SLC14A2: variants seen among roughly 807,000 people sequenced by gnomAD.
The protein encoded by SLC14A2 is urea transporter 2.
A neutral mutation model predicts 104.6 loss-of-function variants in SLC14A2; 91 were observed. The observed-to-expected ratio is 0.87, with a 90% CI of 0.73 to 1.04. The LOEUF (loss-of-function observed/expected upper bound fraction) is 1.04, where lower values mean the gene tolerates loss of function less well. Ranked by LOEUF, SLC14A2 falls within the 50% of genes least tolerant of loss-of-function variation. SLC14A2 has a pLI of 0.00. For synonymous variants in SLC14A2, 476 were observed against 466.4 expected (o/e 1.02, Z -0.27); for missense variants, 1,189 against 1,156.0 (o/e 1.03, Z -0.41).
At chr18:45,377,081 C>T (rs1027872462) in intron 1 of SLC14A2, among the ~76,000 whole-genome samples, 5 of 152,180 alleles carry the variant, frequency 3.3e-5, no homozygotes, top group South Asian at 2.1e-4. Context: ...TTCCACTATG[C>T]CCTGATGCTA....
chr18:45,588,656 C>T (rs1466581453), intron 2 of SLC14A2, among the ~76,000 whole-genome samples: 4 of 152,196 alleles, frequency 2.6e-5, no homozygotes, highest in East Asian at 1.9e-4. Flanking sequence ...ACGGTCCTCA[C>T]GGCTTTGGAT....
At chr18:45,643,242 T>A in intron 9 of SLC14A2, 61 bp downstream of exon 9, 1 of 1,423,984 alleles carries the variant, frequency 7.0e-7, no homozygotes, top group Non-Finnish European at 9.9e-7. Flanking sequence ...TCTGGACATA[T>A]GGGGTTGTGG....
intron 1 of SLC14A2, among the ~76,000 whole-genome samples, chr18:45,236,043 ATATGTGTATATATACATATATG>A: frequency 2.1e-5 from 1 of 46,612 alleles, no homozygotes; most frequent in Non-Finnish European, 3.5e-5. Flanking sequence ...ATGTGTGTAT[ATATGTGTATATATACATATATG>A]TGTGTATATA....
At chr18:45,660,360 A>G (rs747503786) in intron 10 of SLC14A2, among the ~76,000 whole-genome samples, 1 of 152,188 alleles carries the variant, frequency 6.6e-6, no homozygotes, top group Non-Finnish European at 1.5e-5. Flanking sequence ...GGTGTGCCCT[A>G]ACGATAAGGA....
intron 2 of SLC14A2, among the ~76,000 whole-genome samples, chr18:45,585,068 C>T (rs1364538246): frequency 6.6e-6 from 1 of 152,152 alleles, no homozygotes; most frequent in Non-Finnish European, 1.5e-5. Flanking sequence ...GACACCCTCT[C>T]CTAACACCTT....
intron 2 of SLC14A2, among the ~76,000 whole-genome samples, chr18:45,552,409 C>G (rs560039726): frequency 6.3e-4 from 95 of 150,212 alleles, no homozygotes; most frequent in Non-Finnish European, 1.2e-4. Context: ...GTGTGAGTTT[C>G]CCTTCTCCTT....
chr18:45,346,021 C>G (rs2085444268), intron 1 of SLC14A2, among the ~76,000 whole-genome samples: 1 of 152,212 alleles, frequency 6.6e-6, no homozygotes, highest in South Asian at 2.1e-4. Flanking sequence ...GGATGAGAAA[C>G]TGTATCTCAC....
At chr18:45,478,065 C>T (rs965769324) in intron 1 of SLC14A2, among the ~76,000 whole-genome samples, 11 of 152,156 alleles carry the variant, frequency 7.2e-5, no homozygotes, top group Non-Finnish European at 1.0e-4. Flanking sequence ...TTGGTGTCTG[C>T]CCAAACAACC....
intron 2 of SLC14A2, among the ~76,000 whole-genome samples, chr18:45,527,269 T>G (rs1200432338): frequency 6.6e-6 from 1 of 152,184 alleles, no homozygotes; most frequent in Non-Finnish European, 1.5e-5. Flanking sequence ...AGCCCTTAGG[T>G]GGCACCTCTC....
At chr18:45,490,197 A>G (rs1390040021) in intron 2 of SLC14A2, among the ~76,000 whole-genome samples, 1 of 152,242 alleles carries the variant, frequency 6.6e-6, no homozygotes, top group African/African-American at 2.4e-5. Context: ...TATGAAGAAG[A>G]TGAATTTACA....
intron 1 of SLC14A2, among the ~76,000 whole-genome samples, chr18:45,403,676 GA>G (rs199968645): frequency 5.1e-4 from 75 of 148,010 alleles, no homozygotes; most frequent in Middle Eastern, 6.9e-3. Flanking sequence ...TAACTCTGGG[GA>G]AAAAAAAAAT....
At chr18:45,390,778 C>T (rs9961620) in intron 1 of SLC14A2, among the ~76,000 whole-genome samples, 15,547 of 152,146 alleles carry the variant, frequency 0.1, 1,515 homozygotes, top group African/African-American at 0.25. Context: ...GCACCTTTCA[C>T]CCAGATCGTA....
chr18:45,251,780 CT>C (rs1187780086), intron 1 of SLC14A2, among the ~76,000 whole-genome samples: 1 of 152,192 alleles, frequency 6.6e-6, no homozygotes, highest in East Asian at 1.9e-4. Flanking sequence ...TTTAAAGACT[CT>C]ATCTCCAAAT....
rs1482215917 is a variant in SLC14A2 at position 45,236,516 on chromosome 18, T to C, written c.-125+23325T>C. 2.0e-5 allele frequency among the ~76,000 whole-genome samples: 2 copies of C among 101,764 alleles called. 1 individual carries two copies. Among genetic ancestry groups the C allele is most frequent in the Non-Finnish European group, 4.1e-5 (2 of 48,588 alleles). The allele number at this position is 101,764 out of a possible 152,430, so 66.8% of individuals were successfully genotyped here. ...GTGTATATATACATGTATGTGTGTATATATGTGTATATATGTATATATACA... is the reference window on the plus strand; with the variant it reads ...GTGTATATATACATGTATGTGTGTACATATGTGTATATATGTATATATACA... On this transcript the variant is annotated intron_variant, in intron 1 of 20. Transcript: ENST00000586448.
intron 1 of SLC14A2, among the ~76,000 whole-genome samples, chr18:45,343,208 G>T (rs1213040411): frequency 2.1e-5 from 3 of 144,822 alleles, no homozygotes; most frequent in Non-Finnish European, 4.5e-5. Context: ...GCTCCTCAAA[G>T]TTACCTTCAT....
At chr18:45,224,800 G>A (rs1005680226) in intron 1 of SLC14A2, among the ~76,000 whole-genome samples, 11 of 152,282 alleles carry the variant, frequency 7.2e-5, no homozygotes, top group Non-Finnish European at 1.2e-4. Flanking sequence ...TGACTGGCTT[G>A]AAGAACTCAG....
At position 45,249,572 on chromosome 18, in the gene SLC14A2, TCTC is replaced by T. The variant is rs974192554; in HGVS notation, c.-125+36385_-125+36387del. ...GAAACATCTGGCCTCTCTGATTTTATCTCCTCTTCTGTCTGATGAATAGTCTCT... is the reference window on the plus strand; with the variant it reads ...GAAACATCTGGCCTCTCTGATTTTATCTCTTCTGTCTGATGAATAGTCTCT... On this transcript the variant is annotated intron_variant, in intron 1 of 20. Transcript: ENST00000586448. 4.3e-4 allele frequency among the ~76,000 whole-genome samples: 65 copies of T among 152,340 alleles called. 1 individual carries two copies. Among genetic ancestry groups the T allele is most frequent in the African/African-American group, 1.3e-3 (53 of 41,578 alleles).
At chr18:45,323,133 A>G (rs2085201293) in intron 1 of SLC14A2, among the ~76,000 whole-genome samples, 1 of 152,228 alleles carries the variant, frequency 6.6e-6, no homozygotes, top group Admixed American at 6.5e-5. Flanking sequence ...TAAACTAATT[A>G]TGATGGGAAC....
Position 45,682,701 on chromosome 18 carries a change from C to T in SLC14A2, c.*182C>T, listed in dbSNP as rs1306940161. 19 of 603,720 alleles carry T rather than the reference C, an allele frequency of 3.1e-5. No homozygotes were observed. The highest frequency in any genetic ancestry group is 3.9e-5 in the Non-Finnish European group (13 of 335,798). The allele number at this position is 603,720 out of a possible 1,614,324, so 37.4% of individuals were successfully genotyped here. On this transcript the variant is annotated 3_prime_UTR_variant, in exon 20 of 20. Transcript: ENST00000255226. ...CTTTTCTAAGATGCACAACACTTAT[C>T]AAAGATATGTTTAGTTTAGACTTTA... is the stretch of plus-strand genomic sequence containing the variant.
Sources: gnomAD v4.1 joint callset for allele counts (sites outside exome capture counted in the v4.1 genomes callset) on GRCh38, gnomAD v4.1.1 for gene constraint, MANE v1.5 for transcripts, NCBI Gene and HGNC (gene_info 2026-07-23, HGNC 2026-07-21) for gene names.